PPP2R5E: variants seen among roughly 807,000 people sequenced by gnomAD.
PPP2R5E encodes protein phosphatase 2 regulatory subunit B'epsilon, also known as serine/threonine-protein phosphatase 2A 56 kDa regulatory subunit epsilon isoform.
A neutral mutation model predicts 65.3 loss-of-function variants in PPP2R5E; 4 were observed. The observed-to-expected ratio is 0.06, with a 90% confidence interval of 0.03 to 0.14. PPP2R5E has a LOEUF of 0.14. PPP2R5E is among the 10% of genes least tolerant of loss of function. The probability of loss-of-function intolerance (pLI) is 1.00; values close to 1 mark genes in which losing one functional copy is unlikely to be tolerated. For missense variants in PPP2R5E, 274 were observed against 556.1 expected (o/e 0.49, Z 5.10); for synonymous variants, 183 against 187.4 (o/e 0.98, Z 0.19).
chr14:63,436,501 AGCCCTG>A (rs1887959654), intron 3 of PPP2R5E, among the ~76,000 whole-genome samples: 1 of 152,244 alleles, frequency 6.6e-6, no homozygotes, highest in African/African-American at 2.4e-5. Context: ...AGCAAAACAA[AGCCCTG>A]AGCTAGTTGG....
chr14:63,484,326 C>T (rs1890867431), intron 2 of PPP2R5E, among the ~76,000 whole-genome samples: 1 of 144,514 alleles, frequency 6.9e-6, no homozygotes. Context: ...CGATCTCTTT[C>T]TTTCTCTTTC....
intron 2 of PPP2R5E, among the ~76,000 whole-genome samples, chr14:63,488,121 A>G (rs1275121070): frequency 2.6e-5 from 4 of 152,188 alleles, no homozygotes; most frequent in Admixed American, 2.6e-4. Context: ...CCTACTTAGG[A>G]CAATTTCTTC....
chr14:63,446,614 G>T (rs1888491211), intron 3 of PPP2R5E, among the ~76,000 whole-genome samples: 1 of 152,050 alleles, frequency 6.6e-6, no homozygotes. Flanking sequence ...TGGACCACGA[G>T]ATCAGGAGAT....
chr14:63,430,373 GCATGCATACATACATACATACATA>G (rs1192820119), intron 3 of PPP2R5E, among the ~76,000 whole-genome samples: 1,280 of 126,628 alleles, frequency 0.01, 42 homozygotes, highest in East Asian at 0.078. Flanking sequence ...ATACATACAT[GCATGCATACATACATACATACATA>G]CATGCATACA....
chr14:63,530,409 T>A (rs1893373373), intron 2 of PPP2R5E, among the ~76,000 whole-genome samples: 1 of 151,758 alleles, frequency 6.6e-6, no homozygotes, highest in South Asian at 2.1e-4. Context: ...ATTTTTGTAT[T>A]TTTAATAGAG....
At chr14:63,528,814 C>T (rs188952198) in intron 2 of PPP2R5E, among the ~76,000 whole-genome samples, 5 of 152,026 alleles carry the variant, frequency 3.3e-5, no homozygotes, top group African/African-American at 4.8e-5. Context: ...TAAAAATGTT[C>T]GTTCATTTAC....
chr14:63,430,377 G>GCATACATA (rs60123490), intron 3 of PPP2R5E, among the ~76,000 whole-genome samples: 10 of 136,948 alleles, frequency 7.3e-5, no homozygotes, highest in East Asian at 2.3e-4. Context: ...ATACATGCAT[G>GCATACATA]CATACATACA....
At chr14:63,452,110 G>C (rs2139472329) in intron 3 of PPP2R5E, 1 of 152,076 alleles carries the variant, frequency 6.6e-6, no homozygotes, top group East Asian at 1.9e-4. Context: ...GCCACCATTT[G>C]TGTGCTTACA....
intron 1 of PPP2R5E, 113 bp downstream of exon 1, chr14:63,542,666 C>A (rs1893950237): frequency 6.5e-6 from 1 of 152,700 alleles, no homozygotes; most frequent in Non-Finnish European, 1.5e-5. Context: ...CCCCACCGCA[C>A]CCCTCGCCTG....
chr14:63,503,016 C>T (rs147731256), intron 2 of PPP2R5E, among the ~76,000 whole-genome samples: 1 of 152,296 alleles, frequency 6.6e-6, no homozygotes, highest in African/African-American at 2.4e-5. Flanking sequence ...ATGCACTGCA[C>T]AACCTCTGAA....
At chr14:63,502,427 C>T (rs1202308819) in intron 2 of PPP2R5E, among the ~76,000 whole-genome samples, 1 of 152,098 alleles carries the variant, frequency 6.6e-6, no homozygotes, top group Non-Finnish European at 1.5e-5. Flanking sequence ...CCTGTAATCC[C>T]AGAACTTTAG....
At chr14:63,464,399 G>T (rs554499152) in intron 2 of PPP2R5E, among the ~76,000 whole-genome samples, 1 of 152,256 alleles carries the variant, frequency 6.6e-6, no homozygotes, top group African/African-American at 2.4e-5. Flanking sequence ...AAGGAAGTGG[G>T]GTAGTCAGCC....
intron 1 of PPP2R5E, among the ~76,000 whole-genome samples, chr14:63,539,922 T>C (rs1434845945): frequency 6.6e-6 from 1 of 151,466 alleles, no homozygotes; most frequent in Non-Finnish European, 1.5e-5. Flanking sequence ...GGTCAGGAGT[T>C]CAAGACCAAC....
chr14:63,511,248 G>A (rs1892439602), intron 2 of PPP2R5E, among the ~76,000 whole-genome samples: 1 of 152,168 alleles, frequency 6.6e-6, no homozygotes, highest in Admixed American at 6.5e-5. Flanking sequence ...CTCTCTTACT[G>A]CTTTAGAGAA....
chr14:63,469,156 T>G (rs1889985576), intron 2 of PPP2R5E, among the ~76,000 whole-genome samples: 1 of 152,210 alleles, frequency 6.6e-6, no homozygotes, highest in African/African-American at 2.4e-5. Flanking sequence ...ATATACACTA[T>G]TAAGCAAAAC....
Position 63,470,462 on chromosome 14 carries a change from TA to T in PPP2R5E, c.158-16578del, listed in dbSNP as rs768569021. ...TGCACTCATAACCTTTCCATAAGTTTAAAAAAAAAAAAAAACCGACTTGCCC... is the reference window on the plus strand; with the variant it reads ...TGCACTCATAACCTTTCCATAAGTTTAAAAAAAAAAAAAACCGACTTGCCC... On this transcript the variant is annotated intron_variant, in intron 2 of 13. Transcript: ENST00000337537. Among the ~76,000 whole-genome samples the T allele has an allele frequency of 3.6e-3, 488 of 135,800 alleles. 1 individual carries two copies. Among genetic ancestry groups the T allele is most frequent in the African/African-American group, 6.2e-3 (231 of 37,218 alleles). 89.1% of individuals were successfully genotyped at this position (135,800 alleles called of 152,430 possible).
intron 2 of PPP2R5E, among the ~76,000 whole-genome samples, chr14:63,501,198 G>A (rs994847645): frequency 2.0e-5 from 3 of 152,090 alleles, no homozygotes; most frequent in Non-Finnish European, 2.9e-5. Flanking sequence ...AGGAGATCGA[G>A]ACTATCCTGG....
intron 11 of PPP2R5E, among the ~76,000 whole-genome samples, chr14:63,386,443 A>G (rs565524987): frequency 6.6e-6 from 1 of 152,282 alleles, no homozygotes; most frequent in East Asian, 1.9e-4. Context: ...TCTATTCTTA[A>G]CCTCTTTACT....
At chr14:63,507,115 C>G (rs1488272485) in intron 2 of PPP2R5E, among the ~76,000 whole-genome samples, 1 of 152,100 alleles carries the variant, frequency 6.6e-6, no homozygotes, top group Non-Finnish European at 1.5e-5. Flanking sequence ...CCATTACCTC[C>G]TATCCCAGGC....
Sources: allele counts gnomAD v4.1 joint callset (sites outside exome capture counted in the v4.1 genomes callset), GRCh38; gene constraint gnomAD v4.1.1; transcripts MANE v1.5; gene names NCBI Gene and HGNC (gene_info 2026-07-23, HGNC 2026-07-21).